CACNB2: variants seen among roughly 807,000 people sequenced by gnomAD.
CACNB2 encodes the protein calcium voltage-gated channel auxiliary subunit beta 2.
Under a neutral mutation model 73.3 loss-of-function variants are expected in CACNB2, and 42 were observed. The ratio of observed to expected loss-of-function variants is 0.57; its 90% CI spans 0.45 to 0.74. CACNB2 has a LOEUF of 0.74. Among genes scored for constraint, CACNB2 ranks in the 30% least tolerant of loss-of-function variants. CACNB2 has a pLI of 0.00. For synonymous variants in CACNB2, 348 were observed against 310.3 expected, an observed-to-expected ratio of 1.12 and a Z score of -1.28; for missense variants, 940 against 853.0, an observed-to-expected ratio of 1.10 and a Z score of -1.27.
Position 18,539,771 on chromosome 10 carries a change from T to TAA in CACNB2, c.*48_*49dup, listed in dbSNP as rs2053966919. ...TTTTTTTTTTTTTTGAAGTCTTGTA[T>TAA]AACTAACAGCATCCCCAAAACAAAG... On this transcript the variant is annotated 3_prime_UTR_variant, in exon 14 of 14. Transcript: ENST00000324631. 2.6e-6 allele frequency: 4 copies of TAA among 1,555,994 alleles called. No individual in the cohort carries two copies. Among genetic ancestry groups the TAA allele is most frequent in the Non-Finnish European group, 2.6e-6 (3 of 1,154,228 alleles).
At chr10:18,370,751 A>T (rs1028956130) in intron 2 of CACNB2, among the ~76,000 whole-genome samples, 6 of 152,234 alleles carry the variant, frequency 3.9e-5, no homozygotes, top group Admixed American at 2.6e-4. Context: ...CCAAGCTTAC[A>T]TATCATAATT....
chr10:18,161,647 C>G (rs954944823), intron 2 of CACNB2, among the ~76,000 whole-genome samples: 2 of 146,882 alleles, frequency 1.4e-5, no homozygotes, highest in African/African-American at 5.1e-5. Flanking sequence ...TTTTTTATAA[C>G]AACTGCCCCT....
chr10:18,456,693 C>T (rs185341971), intron 3 of CACNB2, among the ~76,000 whole-genome samples: 198 of 152,198 alleles, frequency 1.3e-3, no homozygotes, highest in Middle Eastern at 3.4e-3. Flanking sequence ...CTACTTTCTG[C>T]GTCTATGATG....
intron 3 of CACNB2, among the ~76,000 whole-genome samples, chr10:18,464,428 A>AAAAAAAAAAAAAAAT: frequency 6.7e-6 from 1 of 148,700 alleles, no homozygotes; most frequent in Non-Finnish European, 1.5e-5. Context: ...TAAAAAAAAA[A>AAAAAAAAAAAAAAAT]AAAAAAAAAA....
intron 2 of CACNB2, among the ~76,000 whole-genome samples, chr10:18,155,337 G>A (rs1239941611): frequency 6.6e-6 from 1 of 152,164 alleles, no homozygotes; most frequent in Non-Finnish European, 1.5e-5. Context: ...CATTATGGCT[G>A]TTATATTTAT....
At chr10:18,204,976 GAAA>G (rs80197923) in intron 2 of CACNB2, among the ~76,000 whole-genome samples, 4 of 126,124 alleles carry the variant, frequency 3.2e-5, no homozygotes, top group Admixed American at 7.8e-5. Context: ...AACTTTACCA[GAAA>G]AAAAAAAAAA....
chr10:18,419,853 G>A (rs913135184), intron 3 of CACNB2, among the ~76,000 whole-genome samples: 1 of 152,178 alleles, frequency 6.6e-6, no homozygotes, highest in South Asian at 2.1e-4. Flanking sequence ...CAGGCTATTA[G>A]TATTGTTATT....
chr10:18,458,837 C>T (rs1455394232), intron 3 of CACNB2, among the ~76,000 whole-genome samples: 1 of 146,248 alleles, frequency 6.8e-6, no homozygotes, highest in Non-Finnish European at 1.5e-5. Flanking sequence ...GTGATCTTGG[C>T]TCACTGCAAC....
intron 10 of CACNB2, among the ~76,000 whole-genome samples, chr10:18,532,730 A>T (rs1232463260): frequency 6.6e-6 from 1 of 151,794 alleles, no homozygotes; most frequent in Non-Finnish European, 1.5e-5. Flanking sequence ...AAAAAAACAA[A>T]AAAACCCACA....
intron 2 of CACNB2, among the ~76,000 whole-genome samples, chr10:18,259,542 T>TG (rs2037431490): frequency 1.6e-5 from 1 of 61,572 alleles, no homozygotes; most frequent in Non-Finnish European, 3.3e-5. Flanking sequence ...CCATCTCTAC[T>TG]GAAAAAAAAA....
intron 2 of CACNB2, among the ~76,000 whole-genome samples, chr10:18,393,759 G>A (rs775377469): frequency 5.9e-5 from 9 of 152,090 alleles, no homozygotes; most frequent in East Asian, 3.9e-4. Flanking sequence ...ATTGTTTTCC[G>A]ATTCTAATCT....
chr10:18,404,128 T>TA (rs1564511815), intron 3 of CACNB2, among the ~76,000 whole-genome samples: 1 of 152,028 alleles, frequency 6.6e-6, no homozygotes, highest in African/African-American at 2.4e-5. Flanking sequence ...TAAAATTTTT[T>TA]AAAAAATAGT....
chr10:18,335,143 A>AG (rs201617404), intron 2 of CACNB2, among the ~76,000 whole-genome samples: 1 of 151,948 alleles, frequency 6.6e-6, no homozygotes, highest in Non-Finnish European at 1.5e-5. Flanking sequence ...AAAAAAAAAA[A>AG]TACCGTTGGA....
At chr10:18,239,064 T>C (rs996468276) in intron 2 of CACNB2, among the ~76,000 whole-genome samples, 3 of 152,198 alleles carry the variant, frequency 2.0e-5, no homozygotes, top group Admixed American at 6.5e-5. Flanking sequence ...GGGGGCAGTA[T>C]TCTTTAGCAA....
At chr10:18,411,410 T>C (rs2044619785) in intron 3 of CACNB2, among the ~76,000 whole-genome samples, 1 of 151,968 alleles carries the variant, frequency 6.6e-6, no homozygotes, top group African/African-American at 2.4e-5. Context: ...ATAATATTAA[T>C]AATGACAACA....
intron 2 of CACNB2, among the ~76,000 whole-genome samples, chr10:18,331,403 A>G (rs2040800772): frequency 6.7e-6 from 1 of 149,772 alleles, no homozygotes; most frequent in African/African-American, 2.5e-5. Flanking sequence ...GCAGTGAGCT[A>G]TGTTTGCGTC....
intron 2 of CACNB2, among the ~76,000 whole-genome samples, chr10:18,334,258 G>C (rs79395114): frequency 0.032 from 4,930 of 152,230 alleles, 154 homozygotes; most frequent in Admixed American, 0.092. Context: ...TGGGACTGCA[G>C]AAACCTCAGG....
rs1471535519 is a variant in CACNB2 at position 18,540,103 on chromosome 10, T to A, written c.*379T>A. ...GATAAAAAGTGGAATTTCTTGTTTCTCCAGATTTTTAATACGTTAATACGC... is the reference window on the plus strand; with the variant it reads ...GATAAAAAGTGGAATTTCTTGTTTCACCAGATTTTTAATACGTTAATACGC... On this transcript the variant is annotated 3_prime_UTR_variant, in exon 14 of 14. Coordinates refer to ENST00000324631, the MANE Select transcript of CACNB2 (RefSeq NM_201596.3). 2 of 196,624 alleles carry A rather than the reference T, an allele frequency of 1.0e-5. No homozygotes were observed. The highest frequency in any genetic ancestry group is 1.1e-5 in the Non-Finnish European group (1 of 94,354). The allele number at this position is 196,624 out of a possible 1,614,324, so 12.2% of individuals were successfully genotyped here. A position where few individuals can be genotyped will look rare whatever the true frequency, so the allele number is the denominator to read the frequency against.
chr10:18,334,180 C>G (rs1276983963), intron 2 of CACNB2, among the ~76,000 whole-genome samples: 2 of 152,100 alleles, frequency 1.3e-5, no homozygotes, highest in Admixed American at 1.3e-4. Flanking sequence ...GGGCAAGTGA[C>G]GGGAGCAGGG....
Sources: gnomAD v4.1 joint callset for allele counts (sites outside exome capture counted in the v4.1 genomes callset) on GRCh38, gnomAD v4.1.1 for gene constraint, MANE v1.5 for transcripts, NCBI Gene and HGNC (gene_info 2026-07-23, HGNC 2026-07-21) for gene names.